SNX29: variants seen among roughly 807,000 people sequenced by gnomAD.
SNX29 encodes sorting nexin 29.
Under a neutral mutation model 102.1 loss-of-function variants are expected in SNX29, and 78 were observed. The observed-to-expected ratio is 0.76, with a 90% CI of 0.64 to 0.92. The LOEUF (loss-of-function observed/expected upper bound fraction) is 0.92, where lower values mean the gene tolerates loss of function less well. Ranked by LOEUF, SNX29 falls within the 40% of genes least tolerant of loss-of-function variation. The pLI is 0.00. For synonymous variants in SNX29, 580 were observed against 414.5 expected, an observed-to-expected ratio of 1.40 and a Z score of -4.85; for missense variants, 1,280 against 1,061.7, an observed-to-expected ratio of 1.21 and a Z score of -2.86.
intron 1 of SNX29, among the ~76,000 whole-genome samples, chr16:11,987,017 C>T (rs934274988): frequency 6.6e-6 from 1 of 152,184 alleles, no homozygotes; most frequent in Non-Finnish European, 1.5e-5. Flanking sequence ...CGGATACAGA[C>T]AAGTTCTGGA....
intron 18 of SNX29, among the ~76,000 whole-genome samples, chr16:12,452,377 G>A (rs954651930): frequency 2.2e-4 from 4 of 18,432 alleles, no homozygotes; most frequent in African/African-American, 1.3e-3. Context: ...ACAAGACTGT[G>A]TTCTCAATAG....
intron 19 of SNX29, among the ~76,000 whole-genome samples, chr16:12,511,952 C>T (rs574070715): frequency 2.0e-5 from 3 of 151,966 alleles, no homozygotes; most frequent in African/African-American, 7.2e-5. Context: ...AGAAGCGACT[C>T]GGTTCACAGT....
chr16:11,997,716 C>T (rs2056135868), intron 1 of SNX29, among the ~76,000 whole-genome samples: 1 of 152,080 alleles, frequency 6.6e-6, no homozygotes, highest in African/African-American at 2.4e-5. Context: ...TGATGTCAAG[C>T]AATCTTCCTG....
Position 12,560,939 on chromosome 16 carries a change from T to G in SNX29, c.2319-7567T>G, listed in dbSNP as rs561975169. The G allele has an allele frequency of 4.8e-4, 99 of 207,814 alleles. 1 individual carries two copies. The East Asian group carries it at 6.8e-3, about 14-fold the overall frequency. The allele number at this position is 207,814 out of a possible 1,614,324, so 12.9% of individuals were successfully genotyped here. ...AATAAAGTACCTCGTGGTGTTGGGA[T>G]CCGGAGAACCAGACCCAGACCTGCC... is the stretch of plus-strand genomic sequence containing the variant. On this transcript the variant is annotated intron_variant, in intron 20 of 20. Transcript: ENST00000566228.
At chr16:12,564,929 G>T (rs1027089988) in intron 20 of SNX29, among the ~76,000 whole-genome samples, 1 of 38,856 alleles carries the variant, frequency 2.6e-5, no homozygotes, top group African/African-American at 1.2e-4. Flanking sequence ...AGGGAACCTT[G>T]GTGTTAAAAA....
intron 14 of SNX29, among the ~76,000 whole-genome samples, chr16:12,224,241 G>A (rs1460894856): frequency 6.6e-6 from 1 of 152,164 alleles, no homozygotes; most frequent in Non-Finnish European, 1.5e-5. Flanking sequence ...CTTGCTCCCT[G>A]CATTCCTCCC....
intron 20 of SNX29, among the ~76,000 whole-genome samples, chr16:12,563,942 T>C (rs894774763): frequency 6.6e-6 from 1 of 152,178 alleles, no homozygotes; most frequent in Non-Finnish European, 1.5e-5. Flanking sequence ...ACGCTGATCT[T>C]GTTCAAGAAA....
At chr16:12,252,394 C>G (rs1269548140) in intron 14 of SNX29, among the ~76,000 whole-genome samples, 2 of 152,190 alleles carry the variant, frequency 1.3e-5, no homozygotes, top group African/African-American at 4.8e-5. Context: ...AGCCCCTGCC[C>G]CACTTCTTTA....
chr16:12,501,270 G>A (rs767614790), intron 19 of SNX29, among the ~76,000 whole-genome samples: 10 of 152,028 alleles, frequency 6.6e-5, no homozygotes, highest in Non-Finnish European at 2.9e-5. Flanking sequence ...TGGGTGTGGT[G>A]GTGTGCCCCT....
At chr16:12,017,319 CTT>C (rs1217569162) in intron 3 of SNX29, among the ~76,000 whole-genome samples, 3 of 152,148 alleles carry the variant, frequency 2.0e-5, no homozygotes, top group Admixed American at 6.6e-5. Flanking sequence ...GATTGAGTAT[CTT>C]TTCTTATATT....
chr16:12,484,732 T>G (rs2088142659), intron 19 of SNX29, among the ~76,000 whole-genome samples: 1 of 152,198 alleles, frequency 6.6e-6, no homozygotes, highest in African/African-American at 2.4e-5. Flanking sequence ...AGATGTCAGT[T>G]CAGATTTGCC....
rs376105227 is a variant in SNX29, at chr16:12,571,235, T to C, written c.*2606T>C. 9 of 232,276 alleles carry C rather than the reference T, an allele frequency of 3.9e-5. No individual in the cohort carries two copies. The highest frequency in any genetic ancestry group is 2.4e-4 in the East Asian group (4 of 16,462). 14.4% of individuals were successfully genotyped at this position (232,276 alleles called of 1,614,324 possible). A position where few individuals can be genotyped will look rare whatever the true frequency, so the allele number is the denominator to read the frequency against. On this transcript the variant is annotated 3_prime_UTR_variant, in exon 21 of 21. Transcript: ENST00000566228. Reference sequence around the variant, plus strand: ...GCAGGGTTCCCAGTTCCTGGAGTTATGGAGCAGAAACACCCAGGCCTAGCA... The same window carrying C: ...GCAGGGTTCCCAGTTCCTGGAGTTACGGAGCAGAAACACCCAGGCCTAGCA...
intron 16 of SNX29, chr16:12,372,499 C>T (rs1233914783): frequency 3.3e-5 from 5 of 152,152 alleles, no homozygotes; most frequent in African/African-American, 4.8e-5. Flanking sequence ...AGAAGTTTGT[C>T]GTCGGTGGAA....
chr16:12,422,117 T>G (rs2084899142), intron 18 of SNX29, among the ~76,000 whole-genome samples: 1 of 152,220 alleles, frequency 6.6e-6, no homozygotes, highest in Admixed American at 6.5e-5. Context: ...TTAGGGAAAC[T>G]CATTTAAGAA....
chr16:12,532,784 G>C (rs1359365216), intron 20 of SNX29, among the ~76,000 whole-genome samples: 2 of 152,210 alleles, frequency 1.3e-5, no homozygotes, highest in African/African-American at 4.8e-5. Context: ...CCATGGGGCA[G>C]AGGCAGGAGG....
chr16:12,523,827 C>G (rs569489026), intron 19 of SNX29, among the ~76,000 whole-genome samples: 4 of 152,200 alleles, frequency 2.6e-5, no homozygotes, highest in African/African-American at 7.2e-5. Flanking sequence ...TGGGGCCACG[C>G]TGCACAGCCC....
intron 19 of SNX29, among the ~76,000 whole-genome samples, chr16:12,480,720 T>C (rs530528796): frequency 2.8e-4 from 42 of 152,200 alleles, no homozygotes; most frequent in African/African-American, 9.4e-4. Flanking sequence ...ACAAAATAAA[T>C]CTCATCAGTC....
chr16:12,364,453 CTTA>C (rs1488587116), intron 16 of SNX29, among the ~76,000 whole-genome samples: 1 of 145,094 alleles, frequency 6.9e-6, no homozygotes, highest in Admixed American at 6.9e-5. Context: ...TTTTAGGACT[CTTA>C]TTATGTTTTT....
intron 20 of SNX29, among the ~76,000 whole-genome samples, chr16:12,556,851 A>G (rs2078384941): frequency 6.6e-6 from 1 of 152,010 alleles, no homozygotes; most frequent in Admixed American, 6.6e-5. Flanking sequence ...ATGGTGGAAA[A>G]AATTGAATTT....
Sources: gnomAD v4.1 joint callset for allele counts (sites outside exome capture counted in the v4.1 genomes callset) on GRCh38, gnomAD v4.1.1 for gene constraint, MANE v1.5 for transcripts, NCBI Gene and HGNC (gene_info 2026-07-23, HGNC 2026-07-21) for gene names.